The following UVRAG variants were observed in gnomAD, a reference collection of about 807,000 sequenced individuals.
The protein encoded by UVRAG is UV radiation resistance associated.
Under a neutral mutation model 78.0 loss-of-function variants are expected in UVRAG, and 19 were observed. The ratio of observed to expected loss-of-function variants is 0.24; its 90% CI spans 0.17 to 0.36. The LOEUF is 0.36. Ranked by LOEUF, UVRAG falls within the 10% of genes least tolerant of loss-of-function variation. The pLI is 1.00. For synonymous variants in UVRAG, 323 were observed against 324.6 expected (o/e 1.00, Z 0.05); for missense variants, 740 against 853.8 (o/e 0.87, Z 1.66).
intron 1 of UVRAG, among the ~76,000 whole-genome samples, chr11:75,821,720 C>T (rs1477501576): frequency 6.6e-6 from 1 of 152,112 alleles, no homozygotes; most frequent in East Asian, 1.9e-4. Context: ...CTGTCTCTTG[C>T]CTCCTCTTAG....
At chr11:76,017,038 G>T (rs1415695689) in intron 12 of UVRAG, 58 bp downstream of exon 12, 8 of 1,297,544 alleles carry the variant, frequency 6.2e-6, no homozygotes, top group East Asian at 2.5e-5. Context: ...AAAACATGGG[G>T]TATAACAAAA....
intron 13 of UVRAG, among the ~76,000 whole-genome samples, chr11:76,101,914 G>T (rs1951885995): frequency 6.6e-6 from 1 of 152,042 alleles, no homozygotes; most frequent in Non-Finnish European, 1.5e-5. Context: ...TATTTGGGGG[G>T]TCTATTCTAT....
At chr11:76,034,011 C>T (rs1950483608) in intron 12 of UVRAG, among the ~76,000 whole-genome samples, 1 of 152,122 alleles carries the variant, frequency 6.6e-6, no homozygotes, top group African/African-American at 2.4e-5. Flanking sequence ...GTAGCTGTTA[C>T]ATATATGCAT....
chr11:76,016,762 G>A, intron 11 of UVRAG, 53 bp from the exon 12 acceptor site: 1 of 1,396,984 alleles, frequency 7.2e-7, no homozygotes, highest in Non-Finnish European at 9.6e-7. Context: ...TTATCTTATG[G>A]TTATTTATAA....
intron 5 of UVRAG, among the ~76,000 whole-genome samples, chr11:75,899,402 C>G (rs1187301914): frequency 6.6e-6 from 1 of 152,028 alleles, no homozygotes; most frequent in Non-Finnish European, 1.5e-5. Flanking sequence ...TGAGTGCCTG[C>G]TATGAGACAC....
chr11:75,855,064 A>C (rs1265629336), intron 2 of UVRAG, among the ~76,000 whole-genome samples: 1 of 152,214 alleles, frequency 6.6e-6, no homozygotes, highest in Non-Finnish European at 1.5e-5. Context: ...GAATTATAAT[A>C]ATCATAATAG....
chr11:76,142,910 C>G lies in UVRAG; in HGVS notation c.*1497C>G, dbSNP rs1039296091. The G allele has an allele frequency of 2.0e-5, 3 of 152,444 alleles. No homozygotes were observed. Among genetic ancestry groups the G allele is most frequent in the South Asian group, 2.1e-4 (1 of 4,826 alleles). 9.4% of individuals were successfully genotyped at this position (152,444 alleles called of 1,614,324 possible). On this transcript the variant is annotated 3_prime_UTR_variant, in exon 15 of 15. Transcript: ENST00000356136. ...TTTTGTGTCCAAGCATTCCTGGGCT[C>G]AAGTTTAATGTATAGCTACATTGTT...
intron 4 of UVRAG, among the ~76,000 whole-genome samples, chr11:75,887,448 G>GTT (rs1253746430): frequency 8.5e-4 from 97 of 114,132 alleles, no homozygotes; most frequent in African/African-American, 2.0e-3. Context: ...CCTGGCGCAG[G>GTT]TTTTTTTTTT....
chr11:75,892,452 GCA>G, intron 5 of UVRAG: 1 of 942,792 alleles, frequency 1.1e-6, no homozygotes, highest in Non-Finnish European at 1.3e-6. Flanking sequence ...TTCTATGCTG[GCA>G]CTATTCTAAA....
intron 13 of UVRAG, among the ~76,000 whole-genome samples, chr11:76,067,403 G>A (rs189512585): frequency 3.3e-4 from 50 of 152,254 alleles, no homozygotes; most frequent in African/African-American, 1.1e-3. Flanking sequence ...CTCCCACTCC[G>A]CTGATCACAG....
At chr11:76,074,669 G>A (rs1951373215) in intron 13 of UVRAG, among the ~76,000 whole-genome samples, 1 of 152,186 alleles carries the variant, frequency 6.6e-6, no homozygotes, top group Non-Finnish European at 1.5e-5. Flanking sequence ...GGATGACAAA[G>A]CTATTAAATG....
chr11:75,850,112 C>G (rs906195393), intron 1 of UVRAG, among the ~76,000 whole-genome samples: 3 of 151,832 alleles, frequency 2.0e-5, no homozygotes, highest in Admixed American at 2.0e-4. Context: ...TACAAAGTTA[C>G]ACTCCTATGC....
intron 13 of UVRAG, among the ~76,000 whole-genome samples, chr11:76,107,196 C>A (rs996336439): frequency 6.6e-6 from 1 of 152,134 alleles, no homozygotes; most frequent in Non-Finnish European, 1.5e-5. Context: ...TTTAATATGG[C>A]AGATTTTATA....
intron 2 of UVRAG, among the ~76,000 whole-genome samples, chr11:75,860,493 T>G (rs1280557272): frequency 6.6e-6 from 1 of 152,246 alleles, no homozygotes; most frequent in African/African-American, 2.4e-5. Flanking sequence ...ACAATAGTTT[T>G]AAATCCCTTA....
At chr11:76,119,488 C>G (rs1241500933) in intron 14 of UVRAG, among the ~76,000 whole-genome samples, 26 of 152,176 alleles carry the variant, frequency 1.7e-4, no homozygotes, top group Admixed American at 1.7e-3. Flanking sequence ...CTACTTGACT[C>G]TGCCCCTGGG....
intron 7 of UVRAG, among the ~76,000 whole-genome samples, chr11:75,963,928 T>G (rs978661208): frequency 1.3e-5 from 2 of 152,316 alleles, no homozygotes; most frequent in South Asian, 4.1e-4. Flanking sequence ...CCCGAGTAGC[T>G]GGGATTATAG....
chr11:76,005,238 G>A (rs1949909518), intron 9 of UVRAG, among the ~76,000 whole-genome samples: 1 of 152,122 alleles, frequency 6.6e-6, no homozygotes, highest in African/African-American at 2.4e-5. Flanking sequence ...AGCTACTCGG[G>A]AGGCTGAGGC....
At chr11:75,942,495 C>A (rs972714679) in intron 6 of UVRAG, 1 of 152,120 alleles carries the variant, frequency 6.6e-6, no homozygotes, top group Non-Finnish European at 1.5e-5. Flanking sequence ...GAGAGTCTTT[C>A]TCTCTGAGAC....
chr11:75,994,007 A>G (rs1253941475), intron 8 of UVRAG, among the ~76,000 whole-genome samples: 3 of 152,174 alleles, frequency 2.0e-5, no homozygotes, highest in Admixed American at 2.0e-4. Context: ...GCATTAAGCC[A>G]TTTGTGAGGG....
Sources: allele counts gnomAD v4.1 joint callset (sites outside exome capture counted in the v4.1 genomes callset), GRCh38; gene constraint gnomAD v4.1.1; transcripts MANE v1.5; gene names NCBI Gene and HGNC (gene_info 2026-07-23, HGNC 2026-07-21).